The following DPYD variants were observed in gnomAD, a reference collection of about 807,000 sequenced individuals.
The protein encoded by DPYD is dihydropyrimidine dehydrogenase, also known as dihydropyrimidine dehydrogenase [NADP(+)].
Under a neutral mutation model 116.2 loss-of-function variants are expected in DPYD, and 109 were observed. That is an observed-to-expected ratio of 0.94 (90% CI 0.80 to 1.10). The LOEUF (loss-of-function observed/expected upper bound fraction) is 1.10, where lower values mean the gene tolerates loss of function less well. Ranked by LOEUF, DPYD falls within the 50% of genes least tolerant of loss-of-function variation. The pLI is 0.00. For synonymous variants in DPYD, 440 were observed against 432.0 expected, an observed-to-expected ratio of 1.02 and a Z score of -0.23; for missense variants, 1,302 against 1,254.5, an observed-to-expected ratio of 1.04 and a Z score of -0.57.
chr1:97,637,584 A>G (rs961172809), intron 8 of DPYD, among the ~76,000 whole-genome samples: 5 of 152,054 alleles, frequency 3.3e-5, no homozygotes, highest in African/African-American at 9.7e-5. Flanking sequence ...GCCTTAGACC[A>G]GGAGACATAT....
rs55696854 is a variant in DPYD at position 97,078,068 on chromosome 1, C to A, written c.*908G>T. 6.6e-6 allele frequency: 1 copy of A among 152,052 alleles called. No homozygotes were observed. Among genetic ancestry groups the A allele is most frequent in the East Asian group, 1.9e-4 (1 of 5,198 alleles). The allele number at this position is 152,052 out of a possible 1,614,324, so 9.4% of individuals were successfully genotyped here. ...ACAGAGAGTAGTCAAACTGATTTGG[C>A]ACACTTAATATATATTATCAACATT... On this transcript the variant is annotated 3_prime_UTR_variant, in exon 23 of 23. Transcript: ENST00000370192.
At chr1:97,574,579 C>T (rs1329107364) in intron 10 of DPYD, among the ~76,000 whole-genome samples, 1 of 152,030 alleles carries the variant, frequency 6.6e-6, no homozygotes, top group Non-Finnish European at 1.5e-5. Flanking sequence ...TGATGAATGC[C>T]CAGTTCTTCC....
intron 12 of DPYD, among the ~76,000 whole-genome samples, chr1:97,531,509 C>A (rs1332556234): frequency 6.6e-6 from 1 of 152,026 alleles, no homozygotes. Context: ...TGTTTTTATG[C>A]CAGTAGCATA....
Position 97,687,202 on chromosome 1 carries a change from T to C in DPYD, c.762+4515A>G, listed in dbSNP as rs1660784029. Among the ~76,000 whole-genome samples the C allele has an allele frequency of 2.6e-5, 4 of 151,844 alleles. No homozygotes were observed. In the South Asian group the frequency reaches 8.3e-4, roughly 32 times the overall value. On this transcript the variant is annotated intron_variant, in intron 7 of 22. Transcript: ENST00000370192. ...AGGAAAACAGCTTGAACCCAGGAGGTAGAGGTTGAAGTGAGCCAAGATAGT... is the reference window on the plus strand; with the variant it reads ...AGGAAAACAGCTTGAACCCAGGAGGCAGAGGTTGAAGTGAGCCAAGATAGT...
At chr1:97,731,556 T>C (rs1663613021) in intron 4 of DPYD, among the ~76,000 whole-genome samples, 1 of 152,058 alleles carries the variant, frequency 6.6e-6, no homozygotes, top group Admixed American at 6.6e-5. Flanking sequence ...TAATATTTCA[T>C]AATCTGCATA....
At position 97,573,856 on chromosome 1, in the gene DPYD, C is replaced by A. The variant is rs755031341; in HGVS notation, c.1243G>T (p.Glu415Ter). The change falls in exon 11 of 23, where the codon GAA (glutamate) becomes TAA (stop). Residue 415 changes from glutamate to a stop codon, truncating the protein, a stop_gained. Coordinates refer to ENST00000370192, the MANE Select transcript of DPYD (RefSeq NM_000110.4). LOFTEE classifies it high-confidence loss of function. Reference sequence around the variant, plus strand: ...TCATCTTCATTCCATTTTCCAGTTTCATCTTGCTCTGTCCGAACAAACTGC... The same window carrying A: ...TCATCTTCATTCCATTTTCCAGTTTAATCTTGCTCTGTCCGAACAAACTGC... ...AMQFVRTEQD[E>*]TGKWNEDEDQ... 6.2e-7 allele frequency: 1 copy of A among 1,613,728 alleles called. No homozygotes were observed. The highest frequency in any genetic ancestry group is 2.2e-5 in the East Asian group (1 of 44,874).
At chr1:97,090,060 T>C (rs916471078) in intron 21 of DPYD, among the ~76,000 whole-genome samples, 6 of 152,190 alleles carry the variant, frequency 3.9e-5, no homozygotes, top group African/African-American at 1.2e-4. Context: ...TCATTATTGC[T>C]TCTCAGTTCT....
At chr1:97,116,914 C>T (rs1245454609) in intron 20 of DPYD, among the ~76,000 whole-genome samples, 2 of 150,226 alleles carry the variant, frequency 1.3e-5, no homozygotes, top group South Asian at 2.1e-4. Context: ...TTCGGGAGGC[C>T]GAGGTGGGTG....
At chr1:97,471,103 C>G (rs1223404319) in intron 13 of DPYD, among the ~76,000 whole-genome samples, 2 of 152,168 alleles carry the variant, frequency 1.3e-5, no homozygotes, top group East Asian at 1.9e-4. Flanking sequence ...CAGAACAGGT[C>G]TAGGCCATAC....
At position 97,911,342 on chromosome 1, in the gene DPYD, A is replaced by C. The variant is rs781209086; in HGVS notation, c.39+9542T>G. Among the ~76,000 whole-genome samples the C allele has an allele frequency of 2.0e-5, 3 of 152,092 alleles. No individual in the cohort carries two copies. The East Asian group carries it at 5.8e-4, about 29-fold the overall frequency. On this transcript the variant is annotated intron_variant, in intron 1 of 22. Coordinates refer to ENST00000370192, the MANE Select transcript of DPYD (RefSeq NM_000110.4). ...GCACTAATTTTCATGAGCTACATAC[A>C]AATTTTTCTCTGCAAATGTTTTTAT...
intron 8 of DPYD, among the ~76,000 whole-genome samples, chr1:97,614,523 G>T (rs1656148395): frequency 2.0e-5 from 3 of 151,940 alleles, no homozygotes; most frequent in African/African-American, 7.2e-5. Flanking sequence ...CCCCTAGAAG[G>T]GGCTTAACAA....
rs1655973844 is a variant in DPYD at position 97,611,881 on chromosome 1, G to A, written c.851-16715C>T. Among the ~76,000 whole-genome samples, 3 of 152,048 alleles carry A rather than the reference G, an allele frequency of 2.0e-5. No individual in the cohort carries two copies. In the South Asian group the frequency reaches 6.2e-4, roughly 32 times the overall value. ...AATAGTTACTACACAGGTGTTAGTT[G>A]TAGTAAAACGTATTCTGATTCATTC... On this transcript the variant is annotated intron_variant, in intron 8 of 22. Transcript: ENST00000370192.
At chr1:97,687,195 CA>C (rs1660782940) in intron 7 of DPYD, among the ~76,000 whole-genome samples, 1 of 151,996 alleles carries the variant, frequency 6.6e-6, no homozygotes, top group Non-Finnish European at 1.5e-5. Context: ...AGCTTGAACC[CA>C]GGAGGTAGAG....
At chr1:97,593,796 C>CT (rs926415731) in intron 9 of DPYD, among the ~76,000 whole-genome samples, 2 of 152,110 alleles carry the variant, frequency 1.3e-5, no homozygotes, top group African/African-American at 2.4e-5. Context: ...CATTATAATA[C>CT]TTTTTTATGT....
chr1:97,161,741 T>G (rs1297104294), intron 20 of DPYD, among the ~76,000 whole-genome samples: 1 of 100,756 alleles, frequency 9.9e-6, no homozygotes, highest in African/African-American at 4.0e-5. Context: ...CCCACAACAG[T>G]CCCCAGAGTG....
chr1:97,460,623 G>C (rs1375211823), intron 13 of DPYD, among the ~76,000 whole-genome samples: 1 of 152,140 alleles, frequency 6.6e-6, no homozygotes, highest in East Asian at 1.9e-4. Flanking sequence ...CTGAAGTGCA[G>C]GGAGAGGCCT....
rs914479701 is a variant in DPYD at position 97,078,319 on chromosome 1, T to C, written c.*657A>G. 6.3e-6 allele frequency: 1 copy of C among 159,018 alleles called. No individual in the cohort carries two copies. The highest frequency in any genetic ancestry group is 1.4e-5 in the Non-Finnish European group (1 of 71,920). 9.9% of individuals were successfully genotyped at this position (159,018 alleles called of 1,614,324 possible). The stretch of plus-strand genomic sequence containing the variant: ...TTTGTACACCCATCTCACGCATGAG[T>C]AGTGAATGGTATTTAGTTAGTAAAT... On this transcript the variant is annotated 3_prime_UTR_variant, in exon 23 of 23. Transcript: ENST00000370192.
At chr1:97,852,158 A>G (rs560963678) in intron 2 of DPYD, among the ~76,000 whole-genome samples, 1 of 152,208 alleles carries the variant, frequency 6.6e-6, no homozygotes, top group Non-Finnish European at 1.5e-5. Context: ...AGTAGCTATT[A>G]CCTAGATTTA....
At chr1:97,433,837 G>A (rs541674723) in intron 14 of DPYD, among the ~76,000 whole-genome samples, 1 of 152,162 alleles carries the variant, frequency 6.6e-6, no homozygotes, top group South Asian at 2.1e-4. Context: ...AATTATAGTC[G>A]AGGTAACAAT....
Sources: allele counts gnomAD v4.1 joint callset (sites outside exome capture counted in the v4.1 genomes callset), GRCh38; gene constraint gnomAD v4.1.1; transcripts MANE v1.5; gene names NCBI Gene and HGNC (gene_info 2026-07-23, HGNC 2026-07-21).